Variants in TCF7L1 observed in about 807,000 individuals in gnomAD.
TCF7L1 encodes the protein transcription factor 7-like 1.
A neutral mutation model predicts 63.7 loss-of-function variants in TCF7L1; 18 were observed. That is an observed-to-expected ratio of 0.28 (90% CI 0.20 to 0.42). The LOEUF is 0.42. TCF7L1 is among the 10% of genes least tolerant of loss of function. The pLI is 1.00. For synonymous variants in TCF7L1, 355 were observed against 340.9 expected, an observed-to-expected ratio of 1.04 and a Z score of -0.46; for missense variants, 654 against 779.3, an observed-to-expected ratio of 0.84 and a Z score of 1.91.
intron 3 of TCF7L1, among the ~76,000 whole-genome samples, chr2:85,154,413 C>A (rs1313669750): frequency 6.6e-6 from 1 of 152,204 alleles, no homozygotes; most frequent in African/African-American, 2.4e-5. Flanking sequence ...TGCTGGGCTT[C>A]ATTTCTGCAG....
At chr2:85,217,124 C>T (rs1489072232) in intron 3 of TCF7L1, 1 of 152,104 alleles carries the variant, frequency 6.6e-6, no homozygotes, top group African/African-American at 2.4e-5. Context: ...ACACCTCCTG[C>T]CCTCACCACA....
At chr2:85,269,995 C>A (rs958737429) in intron 3 of TCF7L1, among the ~76,000 whole-genome samples, 2 of 152,184 alleles carry the variant, frequency 1.3e-5, no homozygotes, top group African/African-American at 4.8e-5. Context: ...TATGGAGAGG[C>A]CTCCTCAGAC....
intron 3 of TCF7L1, among the ~76,000 whole-genome samples, chr2:85,176,101 G>A (rs907406274): frequency 6.6e-6 from 1 of 152,194 alleles, no homozygotes; most frequent in African/African-American, 2.4e-5. Context: ...TCATGGCAAG[G>A]GTGGAAACTG....
At chr2:85,222,187 C>G (rs1679854634) in intron 3 of TCF7L1, among the ~76,000 whole-genome samples, 1 of 151,860 alleles carries the variant, frequency 6.6e-6, no homozygotes, top group African/African-American at 2.4e-5. Flanking sequence ...ACTAAAAATA[C>G]AAAATTAAGC....
chr2:85,268,656 G>C (rs1450415499), intron 3 of TCF7L1, among the ~76,000 whole-genome samples: 1 of 151,596 alleles, frequency 6.6e-6, no homozygotes. Flanking sequence ...TGGCCAGGCT[G>C]GTGTCGAACT....
At chr2:85,298,500 AAAG>A (rs796208933) in intron 4 of TCF7L1, among the ~76,000 whole-genome samples, 6,444 of 149,496 alleles carry the variant, frequency 0.043, 155 homozygotes, top group Non-Finnish European at 0.055. Flanking sequence ...AAAAAAAAAA[AAAG>A]CATGTGAGAG....
intron 4 of TCF7L1, among the ~76,000 whole-genome samples, chr2:85,291,540 T>C (rs1681716230): frequency 6.6e-6 from 1 of 151,046 alleles, no homozygotes. Context: ...TTTTTGTGTG[T>C]ATGTGTTTGT....
chr2:85,211,101 C>G (rs558925903), intron 3 of TCF7L1, among the ~76,000 whole-genome samples: 1 of 152,238 alleles, frequency 6.6e-6, no homozygotes, highest in Admixed American at 6.5e-5. Flanking sequence ...TTTCTGTCTT[C>G]AAGACAAACA....
At chr2:85,171,935 C>A (rs1414213040) in intron 3 of TCF7L1, among the ~76,000 whole-genome samples, 1 of 152,104 alleles carries the variant, frequency 6.6e-6, no homozygotes, top group African/African-American at 2.4e-5. Flanking sequence ...CCTCCCCCCA[C>A]ACTGCCCTAA....
At chr2:85,254,259 A>G (rs1378633064) in intron 3 of TCF7L1, among the ~76,000 whole-genome samples, 3 of 152,260 alleles carry the variant, frequency 2.0e-5, no homozygotes, top group African/African-American at 2.4e-5. Flanking sequence ...GGGTAACACA[A>G]TTAATTCAGA....
intron 3 of TCF7L1, among the ~76,000 whole-genome samples, chr2:85,209,860 T>C: frequency 6.6e-6 from 1 of 152,178 alleles, no homozygotes; most frequent in East Asian, 1.9e-4. Flanking sequence ...CCAGGGAGTC[T>C]AATTTAGCAG....
intron 3 of TCF7L1, among the ~76,000 whole-genome samples, chr2:85,167,981 C>T (rs11682047): frequency 0.28 from 42,568 of 151,942 alleles, 6,649 homozygotes; most frequent in South Asian, 0.36. Flanking sequence ...ATGATTCTGC[C>T]TGTATGTGGG....
In TCF7L1 at chr2:85,134,379, T is replaced by C; in HGVS notation, c.370T>C (p.Phe124Leu). Residue 124 changes from phenylalanine to leucine, a missense_variant, in exon 3 of 12, where the codon TTC (phenylalanine) becomes CTC (leucine). Coordinates refer to ENST00000282111, the MANE Select transcript of TCF7L1 (RefSeq NM_031283.3). The surrounding 1 kb of genome is among the most constrained non-coding windows in gnomAD (Gnocchi z 5.0). ...FKGPPYPGYP[F>L]LMIPDLSSPY... ...AGGACCCCCGTACCCTGGGTACCCC[T>C]TCCTGATGATCCCGGACCTGAGCAG... 1 of 1,577,384 alleles carries C rather than the reference T, an allele frequency of 6.3e-7. No individual in the cohort carries two copies. Among genetic ancestry groups the C allele is most frequent in the Non-Finnish European group, 8.6e-7 (1 of 1,160,866 alleles).
chr2:85,172,716 G>A (rs780946234), intron 3 of TCF7L1, among the ~76,000 whole-genome samples: 12 of 152,214 alleles, frequency 7.9e-5, no homozygotes, highest in South Asian at 2.1e-4. Context: ...GTGAGCCACC[G>A]CGCCCGGCCA....
intron 3 of TCF7L1, among the ~76,000 whole-genome samples, chr2:85,210,774 A>T (rs1679522825): frequency 6.6e-6 from 1 of 152,178 alleles, no homozygotes; most frequent in Non-Finnish European, 1.5e-5. Flanking sequence ...CATCATTCTA[A>T]ACATGTATGT....
At chr2:85,275,096 C>T (rs1020082687) in intron 3 of TCF7L1, among the ~76,000 whole-genome samples, 1 of 152,258 alleles carries the variant, frequency 6.6e-6, no homozygotes, top group African/African-American at 2.4e-5. Flanking sequence ...AACACCTCAA[C>T]ACGGTCGGCA....
chr2:85,209,572 AC>A (rs1161563063), intron 3 of TCF7L1, among the ~76,000 whole-genome samples: 2 of 152,150 alleles, frequency 1.3e-5, no homozygotes, highest in East Asian at 3.9e-4. Context: ...GGAACTTCAA[AC>A]CTGGAAAATG....
At chr2:85,220,109 G>A (rs925805625) in intron 3 of TCF7L1, among the ~76,000 whole-genome samples, 2 of 152,042 alleles carry the variant, frequency 1.3e-5, no homozygotes, top group East Asian at 3.9e-4. Flanking sequence ...ATAAATTGTG[G>A]ATAATACATA....
chr2:85,138,068 C>T (rs988740097), intron 3 of TCF7L1, among the ~76,000 whole-genome samples: 4 of 152,064 alleles, frequency 2.6e-5, no homozygotes, highest in Admixed American at 1.3e-4. Context: ...GGGCTGATGA[C>T]ATTTTGGAAA....
Sources: allele counts gnomAD v4.1 joint callset (sites outside exome capture counted in the v4.1 genomes callset), GRCh38; gene constraint gnomAD v4.1.1; non-coding constraint Gnocchi (gnomAD v3.1); transcripts MANE v1.5; gene names NCBI Gene and HGNC (gene_info 2026-07-23, HGNC 2026-07-21).